The following LMO7 variants were observed in gnomAD, a reference collection of about 807,000 sequenced individuals.
The protein encoded by LMO7 is LIM domain only protein 7.
A neutral mutation model predicts 206.5 loss-of-function variants in LMO7; 120 were observed. The observed-to-expected ratio is 0.58, with a 90% CI of 0.50 to 0.68. The LOEUF (loss-of-function observed/expected upper bound fraction) is 0.68. Ranked by LOEUF, LMO7 falls within the 30% of genes least tolerant of loss-of-function variation. LMO7 has a pLI of 0.00. For missense variants in LMO7, 1,959 were observed against 1,957.9 expected (o/e 1.00, Z -0.01); for synonymous variants, 706 against 681.5 (o/e 1.04, Z -0.56).
At chr13:75,791,169 A>G (rs139666680) in intron 4 of LMO7, among the ~76,000 whole-genome samples, 2 of 152,188 alleles carry the variant, frequency 1.3e-5, no homozygotes, top group Non-Finnish European at 2.9e-5. Flanking sequence ...TTTTCATCAC[A>G]TAGGCCACCA....
chr13:75,698,849 C>T (rs2137866169), intron 1 of LMO7, among the ~76,000 whole-genome samples: 1 of 152,246 alleles, frequency 6.6e-6, no homozygotes, highest in Non-Finnish European at 1.5e-5. Context: ...ACAATTCACT[C>T]TTTTAAAGTA....
At chr13:75,704,655 G>A (rs1034731252) in intron 1 of LMO7, among the ~76,000 whole-genome samples, 2 of 152,174 alleles carry the variant, frequency 1.3e-5, no homozygotes, top group Non-Finnish European at 1.5e-5. Context: ...CTGCTGACTC[G>A]CATTAGTGGG....
chr13:75,730,609 T>G (rs2045074401), intron 3 of LMO7, among the ~76,000 whole-genome samples: 1 of 146,994 alleles, frequency 6.8e-6, no homozygotes, highest in Non-Finnish European at 1.5e-5. Flanking sequence ...TTTGAAGGGT[T>G]TTTTGTGTCT....
At chr13:75,717,829 T>C (rs534001540) in intron 2 of LMO7, among the ~76,000 whole-genome samples, 18 of 152,328 alleles carry the variant, frequency 1.2e-4, no homozygotes, top group African/African-American at 4.3e-4. Flanking sequence ...GAAAGGCTTT[T>C]TTTCTTAGAG....
At position 75,685,682 on chromosome 13, in the gene LMO7, G is replaced by A. The variant is rs974926822; in HGVS notation, c.70-27500G>A. Among the ~76,000 whole-genome samples the A allele has an allele frequency of 3.3e-4, 50 of 152,150 alleles. No individual in the cohort carries two copies. In the East Asian group the frequency reaches 9.7e-3, roughly 29 times the overall value. On this transcript the variant is annotated intron_variant, in intron 1 of 30. Transcript: ENST00000377534. The stretch of plus-strand genomic sequence containing the variant: ...CTTACCTTTGAATGCATAGCTCTCT[G>A]AGGCCTGGAATGGTGGCTGATAGAC...
chr13:75,662,359 C>T (rs773191213), intron 1 of LMO7, among the ~76,000 whole-genome samples: 1 of 152,152 alleles, frequency 6.6e-6, no homozygotes, highest in Non-Finnish European at 1.5e-5. Flanking sequence ...CACTCTGTCA[C>T]CCAGGCTGGA....
intron 2 of LMO7, among the ~76,000 whole-genome samples, chr13:75,724,097 C>T (rs1348423938): frequency 6.6e-6 from 1 of 152,076 alleles, no homozygotes; most frequent in East Asian, 1.9e-4. Flanking sequence ...AGTACTGTTA[C>T]TTTCAGGGTT....
Position 75,636,570 on chromosome 13 carries a change from C to T in LMO7, c.-88C>T, listed in dbSNP as rs568037853. On this transcript the variant is annotated 5_prime_UTR_variant, in exon 1 of 31. Transcript: ENST00000377534. Reference sequence around the variant, plus strand: ...GCCGGAGTTGTGGGAGGCCCGCGTGCCCTCCCCGCCCGTGGGGCCCAGACG... The same window carrying T: ...GCCGGAGTTGTGGGAGGCCCGCGTGTCCTCCCCGCCCGTGGGGCCCAGACG... 1.8e-4 allele frequency: 273 copies of T among 1,534,132 alleles called. No homozygotes were observed. In the African/African-American group the frequency reaches 3.3e-3, roughly 19 times the overall value.
chr13:75,856,688 C>T (rs1477704083), intron 30 of LMO7, 80 bp downstream of exon 30: 32 of 812,832 alleles, frequency 3.9e-5, no homozygotes, highest in Admixed American at 7.0e-5. Context: ...GAACCTGCAG[C>T]GAGCTCCCCT....
chr13:75,811,165 T>C (rs150584119), intron 11 of LMO7, among the ~76,000 whole-genome samples: 27 of 152,132 alleles, frequency 1.8e-4, no homozygotes, highest in African/African-American at 4.8e-4. Context: ...CTCTAGTCTG[T>C]CAGTTACCAC....
chr13:75,750,399 T>TTC (rs2047181706), intron 3 of LMO7, among the ~76,000 whole-genome samples: 2 of 91,888 alleles, frequency 2.2e-5, no homozygotes, highest in African/African-American at 4.1e-5. Flanking sequence ...TTTTTTTTTT[T>TTC]CCTTTTTGGA....
At chr13:75,626,595 A>ATATATATTTTTTTTTTTTTT in intron 2 of LMO7, among the ~76,000 whole-genome samples, 1 of 71,180 alleles carries the variant, frequency 1.4e-5, no homozygotes, top group Non-Finnish European at 3.6e-5. Context: ...ATATATATAA[A>ATATATATTTTTTTTTTTTTT]TTTTTTTGAG....
chr13:75,642,907 G>A (rs9565179), intron 1 of LMO7, among the ~76,000 whole-genome samples: 46,270 of 152,044 alleles, frequency 0.3, 7,212 homozygotes, highest in Middle Eastern at 0.35. Flanking sequence ...GTTTCCTCCA[G>A]TGAGGAAGGA....
At chr13:75,788,503 G>A (rs922797408) in intron 4 of LMO7, among the ~76,000 whole-genome samples, 1 of 149,194 alleles carries the variant, frequency 6.7e-6, no homozygotes, top group Non-Finnish European at 1.5e-5. Flanking sequence ...AAGAACTTCT[G>A]CTTTGAATTT....
At position 75,805,713 on chromosome 13, in the gene LMO7, A is replaced by G. The variant is rs746703058; in HGVS notation, c.1149A>G (p.Ile383Met). 16 of 1,613,904 alleles carry G rather than the reference A, an allele frequency of 9.9e-6. No individual in the cohort carries two copies. The highest frequency in any genetic ancestry group is 1.7e-5 in the Admixed American group (1 of 60,008). ...WTPEDVNWKR[I>M]KRETYKPWYK... The stretch of plus-strand genomic sequence containing the variant: ...CAGAAGATGTGAACTGGAAAAGAAT[A>G]AAAAGGGAAACTTATAAGCCATGGT... The change falls in exon 9 of 31, where the codon ATA becomes ATG. Residue 383 changes from isoleucine to methionine, a missense_variant. Ile to Met is a conservative substitution (Grantham distance 10, BLOSUM62 1). Coordinates refer to ENST00000377534, the MANE Select transcript of LMO7 (RefSeq NM_001306080.2).
chr13:75,681,722 A>ATATATATATATATATATG (rs1437343388), intron 1 of LMO7, among the ~76,000 whole-genome samples: 33 of 98,616 alleles, frequency 3.3e-4, no homozygotes, highest in African/African-American at 1.2e-3. Flanking sequence ...ATATATGTAT[A>ATATATATATATATATATG]TATATATATA....
At chr13:75,635,658 T>A (rs2138909788), upstream of LMO7, among the ~76,000 whole-genome samples, 1 of 150,728 alleles carries the variant, frequency 6.6e-6, no homozygotes, top group East Asian at 2.0e-4. Context: ...CGAGCCGGGG[T>A]GGAGGGGCAG....
intron 1 of LMO7, among the ~76,000 whole-genome samples, chr13:75,691,017 T>A (rs1211041871): frequency 2.6e-5 from 4 of 152,148 alleles, no homozygotes; most frequent in African/African-American, 4.8e-5. Context: ...TATGTAGATA[T>A]GTATATGTAT....
chr13:75,663,089 C>G (rs993438558), intron 1 of LMO7, among the ~76,000 whole-genome samples: 30 of 151,966 alleles, frequency 2.0e-4, no homozygotes, highest in African/African-American at 7.0e-4. Flanking sequence ...GTATATTTTC[C>G]CATGGGTCAT....
Sources: gnomAD v4.1 joint callset for allele counts (sites outside exome capture counted in the v4.1 genomes callset) on GRCh38, gnomAD v4.1.1 for gene constraint, MANE v1.5 for transcripts, NCBI Gene and HGNC (gene_info 2026-07-23, HGNC 2026-07-21) for gene names.